Variants in CYSLTR1 observed in about 807,000 individuals in gnomAD.
CYSLTR1 encodes the protein G-protein coupled receptor HG55.
A neutral mutation model predicts 2.1 loss-of-function variants in CYSLTR1; 1 was observed. The observed-to-expected ratio is 0.48, with a 90% CI of 0.17 to 2.28. The LOEUF is 2.28. Ranked by LOEUF, CYSLTR1 falls within the 30% of genes most tolerant of loss-of-function variation. The pLI is 0.26. For missense variants in CYSLTR1, 299 were observed against 250.1 expected (o/e 1.20, Z -1.32); for synonymous variants, 110 against 89.6 (o/e 1.23, Z -1.28).
intron 1 of CYSLTR1, among the ~76,000 whole-genome samples, chrX:78,284,930 A>G (rs1342874652): frequency 9.0e-6 from 1 of 110,965 alleles, no homozygotes; most frequent in Non-Finnish European, 1.9e-5. Context: ...TCCCTCTCCA[A>G]ATTGTTCCTT....
At chrX:78,282,146 A>G (rs1921870292) in intron 2 of CYSLTR1, among the ~76,000 whole-genome samples, 1 of 111,738 alleles carries the variant, frequency 8.9e-6, no homozygotes, top group South Asian at 3.7e-4. Flanking sequence ...CTCCTTCCTG[A>G]AATGTCCTTT....
intron 1 of CYSLTR1, among the ~76,000 whole-genome samples, chrX:78,303,178 C>T (rs1922890879): frequency 9.0e-6 from 1 of 111,622 alleles, no homozygotes; most frequent in African/African-American, 3.3e-5. Context: ...TGAGTTTGAT[C>T]CAGTTTTCCT....
intron 1 of CYSLTR1, among the ~76,000 whole-genome samples, chrX:78,285,786 T>C (rs896552717): frequency 8.9e-6 from 1 of 111,890 alleles, no homozygotes; most frequent in African/African-American, 3.2e-5. Flanking sequence ...GCCTTGCACA[T>C]AGTAGGCACT....
chrX:78,285,244 C>A (rs1481060806), intron 1 of CYSLTR1, among the ~76,000 whole-genome samples: 1 of 109,217 alleles, frequency 9.2e-6, no homozygotes, highest in African/African-American at 3.3e-5. Context: ...CACGGTGAAA[C>A]CCCGTCTCTA....
At chrX:78,275,629 T>C (rs1336771345) in intron 2 of CYSLTR1, among the ~76,000 whole-genome samples, 3 of 109,522 alleles carry the variant, frequency 2.7e-5, no homozygotes, top group African/African-American at 1.0e-4. Flanking sequence ...ACACCTAAGG[T>C]AAATGATGAG....
chrX:78,325,034 CA>C (rs1923818077), intron 1 of CYSLTR1, among the ~76,000 whole-genome samples: 1 of 112,168 alleles, frequency 8.9e-6, no homozygotes, highest in Non-Finnish European at 1.9e-5. Context: ...AAACTTGCTG[CA>C]AAAAACTATT....
chrX:78,307,081 G>A (rs1009257338), intron 1 of CYSLTR1, among the ~76,000 whole-genome samples: 2 of 111,824 alleles, frequency 1.8e-5, no homozygotes, highest in Non-Finnish European at 1.9e-5. Context: ...AGATGTGAAG[G>A]TGTGTTAGTT....
At chrX:78,311,434 T>G (rs1195134361) in intron 1 of CYSLTR1, among the ~76,000 whole-genome samples, 1 of 111,618 alleles carries the variant, frequency 9.0e-6, no homozygotes, top group Non-Finnish European at 1.9e-5. Context: ...GCAAATGTTA[T>G]GAAAGGACAA....
At chrX:78,277,158 T>A (rs1328968700) in intron 2 of CYSLTR1, among the ~76,000 whole-genome samples, 1 of 111,001 alleles carries the variant, frequency 9.0e-6, no homozygotes, top group African/African-American at 3.3e-5. Flanking sequence ...ATCGCCATAC[T>A]CCTCTAAGTA....
At chrX:78,284,775 A>AGAAAAAAG (rs1921987834) in intron 1 of CYSLTR1, among the ~76,000 whole-genome samples, 1 of 109,827 alleles carries the variant, frequency 9.1e-6, no homozygotes, top group South Asian at 3.7e-4. Context: ...AAAAAAAAAA[A>AGAAAAAAG]GAAAAAAGGA....
chrX:78,292,079 CT>C (rs1922362149), intron 1 of CYSLTR1, among the ~76,000 whole-genome samples: 1 of 111,705 alleles, frequency 9.0e-6, no homozygotes, highest in Non-Finnish European at 1.9e-5. Context: ...AATTTTAGAT[CT>C]TTCCTGCTTT....
chrX:78,325,102 A>C (rs144858720), intron 1 of CYSLTR1, among the ~76,000 whole-genome samples: 4 of 112,524 alleles, frequency 3.6e-5, no homozygotes, highest in African/African-American at 1.3e-4. Context: ...TAGTAACAAC[A>C]AAAGGTGGAT....
At chrX:78,307,427 T>C (rs1315350287) in intron 1 of CYSLTR1, among the ~76,000 whole-genome samples, 1 of 111,776 alleles carries the variant, frequency 8.9e-6, no homozygotes, top group African/African-American at 3.3e-5. Context: ...TTTGTTTTCT[T>C]CCAGGCCATC....
intron 1 of CYSLTR1, among the ~76,000 whole-genome samples, chrX:78,305,694 C>G (rs191245328): frequency 3.6e-5 from 4 of 112,335 alleles, no homozygotes; most frequent in Non-Finnish European, 5.6e-5. Context: ...ATAAATTTGA[C>G]TATTTTAGAT....
chrX:78,288,584 G>A (rs866749740), intron 1 of CYSLTR1, among the ~76,000 whole-genome samples: 2 of 109,564 alleles, frequency 1.8e-5, no homozygotes, highest in South Asian at 8.0e-4. Flanking sequence ...ATTTCTGTGG[G>A]GACATAATAG....
chrX:78,295,860 GTTGA>G (rs1245346706), intron 1 of CYSLTR1, among the ~76,000 whole-genome samples: 1 of 111,270 alleles, frequency 9.0e-6, no homozygotes, highest in Non-Finnish European at 1.9e-5. Context: ...TGTTCACTTT[GTTGA>G]TTGTTTCCTT....
intron 2 of CYSLTR1, among the ~76,000 whole-genome samples, chrX:78,282,656 C>T (rs1243340549): frequency 1.8e-5 from 2 of 111,635 alleles, no homozygotes; most frequent in African/African-American, 3.3e-5. Flanking sequence ...ATCCTGGCTA[C>T]TCAAGAGGCT....
chrX:78,275,836 T>G (rs1292959318), intron 2 of CYSLTR1, among the ~76,000 whole-genome samples: 1 of 111,908 alleles, frequency 8.9e-6, no homozygotes, highest in Non-Finnish European at 1.9e-5. Context: ...TAATTTGCTG[T>G]TAATGAAACT....
At chrX:78,302,253 G>A (rs960995849) in intron 1 of CYSLTR1, among the ~76,000 whole-genome samples, 70 of 112,355 alleles carry the variant, frequency 6.2e-4, no homozygotes, top group African/African-American at 2.2e-3. Context: ...AGGCCTAAAG[G>A]CTCTTTACCA....
Sources: allele counts gnomAD v4.1 joint callset (sites outside exome capture counted in the v4.1 genomes callset), GRCh38; gene constraint gnomAD v4.1.1; transcripts MANE v1.5; gene names NCBI Gene and HGNC (gene_info 2026-07-23, HGNC 2026-07-21).